UNC5C: variants seen among roughly 807,000 people sequenced by gnomAD.
The protein encoded by UNC5C is unc-5 netrin receptor C.
Under a neutral mutation model 99.8 loss-of-function variants are expected in UNC5C, and 47 were observed. That is an observed-to-expected ratio of 0.47 (90% confidence interval 0.37 to 0.60). The LOEUF (loss-of-function observed/expected upper bound fraction) is 0.60. Among genes scored for constraint, UNC5C ranks in the 20% least tolerant of loss-of-function variants. UNC5C has a pLI of 0.00. For synonymous variants in UNC5C, 487 were observed against 452.2 expected, an observed-to-expected ratio of 1.08 and a Z score of -0.98; for missense variants, 1,062 against 1,165.9, an observed-to-expected ratio of 0.91 and a Z score of 1.30.
chr4:95,273,505 T>C (rs1223851030), intron 4 of UNC5C, among the ~76,000 whole-genome samples: 1 of 152,222 alleles, frequency 6.6e-6, no homozygotes, highest in Admixed American at 6.5e-5. Context: ...GCTGCTATTA[T>C]GCTAGTGGAA....
At chr4:95,210,136 C>T (rs942293454) in intron 10 of UNC5C, among the ~76,000 whole-genome samples, 101 of 151,954 alleles carry the variant, frequency 6.6e-4, no homozygotes, top group African/African-American at 2.4e-3. Flanking sequence ...CCAAGTACAC[C>T]CCTGGCATGC....
In UNC5C at chr4:95,219,655, T is replaced by TA. The variant is rs563608874; in HGVS notation, c.1300+329dup. ...TCTATACTGGATTTGGGTTCATTGG[T>TA]AAATCATTCTATTCATAGCAATACA... On this transcript the variant is annotated intron_variant, in intron 8 of 15. Coordinates refer to ENST00000453304, the MANE Select transcript of UNC5C (RefSeq NM_003728.4). Among the ~76,000 whole-genome samples the TA allele has an allele frequency of 1.1e-4, 17 of 152,260 alleles. No individual in the cohort carries two copies. The East Asian group carries it at 2.5e-3, about 23-fold the overall frequency.
At chr4:95,212,117 C>A (rs934090710) in intron 10 of UNC5C, among the ~76,000 whole-genome samples, 1 of 152,068 alleles carries the variant, frequency 6.6e-6, no homozygotes, top group Non-Finnish European at 1.5e-5. Flanking sequence ...GAATTTTGGA[C>A]CTTTATCCTC....
At chr4:95,391,482 TG>T (rs1385548023) in intron 1 of UNC5C, among the ~76,000 whole-genome samples, 1 of 152,164 alleles carries the variant, frequency 6.6e-6, no homozygotes, top group Admixed American at 6.5e-5. Flanking sequence ...GAAATTATGC[TG>T]AATAATTTTC....
chr4:95,320,220 G>A (rs1215345387), intron 2 of UNC5C, among the ~76,000 whole-genome samples: 3 of 152,066 alleles, frequency 2.0e-5, no homozygotes, highest in East Asian at 1.9e-4. Flanking sequence ...TCAGGAGTTC[G>A]AGACCAGCCT....
intron 2 of UNC5C, among the ~76,000 whole-genome samples, chr4:95,311,007 C>T (rs914818268): frequency 3.9e-5 from 6 of 152,096 alleles, no homozygotes; most frequent in Admixed American, 6.6e-5. Flanking sequence ...AGAACTAGGC[C>T]TTCTATTTTT....
At chr4:95,321,995 T>C (rs1184660171) in intron 2 of UNC5C, among the ~76,000 whole-genome samples, 1 of 152,220 alleles carries the variant, frequency 6.6e-6, no homozygotes, top group East Asian at 1.9e-4. Flanking sequence ...AAATAATTGA[T>C]TTAAATTCCA....
At chr4:95,267,227 T>G (rs1740481799) in intron 4 of UNC5C, among the ~76,000 whole-genome samples, 2 of 152,308 alleles carry the variant, frequency 1.3e-5, no homozygotes, top group South Asian at 4.1e-4. Context: ...GCTGCATTCT[T>G]CACAATGCCC....
rs572671221 is a variant in UNC5C at position 95,425,252 on chromosome 4, G to A, written c.125-89621C>T. On this transcript the variant is annotated intron_variant, in intron 1 of 15. Coordinates refer to ENST00000453304, the MANE Select transcript of UNC5C (RefSeq NM_003728.4). ...TTCTACACAAATTCTTCTAATGAAG[G>A]AGACAGCCCATAGGCCATAAGACAT... is the stretch of plus-strand genomic sequence containing the variant. 7.9e-5 allele frequency among the ~76,000 whole-genome samples: 12 copies of A among 152,296 alleles called. No individual in the cohort carries two copies. The South Asian group carries it at 2.3e-3, about 29-fold the overall frequency.
At chr4:95,320,674 A>T (rs891976876) in intron 2 of UNC5C, among the ~76,000 whole-genome samples, 2 of 152,178 alleles carry the variant, frequency 1.3e-5, no homozygotes, top group African/African-American at 4.8e-5. Context: ...GTAGCATGTT[A>T]TCTGGATGAA....
At chr4:95,339,394 C>T (rs1341532732) in intron 1 of UNC5C, among the ~76,000 whole-genome samples, 1 of 151,900 alleles carries the variant, frequency 6.6e-6, no homozygotes, top group Non-Finnish European at 1.5e-5. Flanking sequence ...TGTGATTCCA[C>T]CCTGAAGTGG....
chr4:95,546,537 G>A (rs1723073642), intron 1 of UNC5C, among the ~76,000 whole-genome samples: 1 of 152,148 alleles, frequency 6.6e-6, no homozygotes, highest in African/African-American at 2.4e-5. Flanking sequence ...CAGACCATGA[G>A]ATTCAAACAA....
At chr4:95,280,008 C>T (rs1209033936) in intron 3 of UNC5C, among the ~76,000 whole-genome samples, 4 of 152,090 alleles carry the variant, frequency 2.6e-5, no homozygotes, top group African/African-American at 4.8e-5. Context: ...AATCTAATGC[C>T]ACCACTGATC....
rs193212431 is a variant in UNC5C at position 95,466,723 on chromosome 4, T to C, written c.124+82011A>G. On this transcript the variant is annotated intron_variant, in intron 1 of 15. Transcript: ENST00000453304. Reference sequence around the variant, plus strand: ...GCCTCAAAGGAGATACTCATTGTTTTACTTTTAAAAGCCATTCATAAATCA... The same window carrying C: ...GCCTCAAAGGAGATACTCATTGTTTCACTTTTAAAAGCCATTCATAAATCA... 4.6e-3 allele frequency among the ~76,000 whole-genome samples: 707 copies of C among 152,310 alleles called. 7 individuals carry two copies. Among genetic ancestry groups the C allele is most frequent in the Middle Eastern group, 6.8e-3 (2 of 294 alleles).
At chr4:95,384,147 A>T (rs1745146419) in intron 1 of UNC5C, among the ~76,000 whole-genome samples, 1 of 152,200 alleles carries the variant, frequency 6.6e-6, no homozygotes, top group Non-Finnish European at 1.5e-5. Flanking sequence ...CATTATGTAC[A>T]GATATAAGGG....
Position 95,435,865 on chromosome 4 carries a change from T to C in UNC5C, c.125-100234A>G, listed in dbSNP as rs577867417. Among the ~76,000 whole-genome samples the C allele has an allele frequency of 4.2e-4, 64 of 152,228 alleles. No individual in the cohort carries two copies. In the South Asian group the frequency reaches 8.9e-3, roughly 21 times the overall value. ...TTCCATCAGTTTTATTAGGCTTCTATATTTGTGTGTATTTAATTCAAATTT... is the reference window on the plus strand; with the variant it reads ...TTCCATCAGTTTTATTAGGCTTCTACATTTGTGTGTATTTAATTCAAATTT... On this transcript the variant is annotated intron_variant, in intron 1 of 15. Transcript: ENST00000453304.
intron 1 of UNC5C, among the ~76,000 whole-genome samples, chr4:95,528,326 C>A (rs193133429): frequency 6.6e-6 from 1 of 152,188 alleles, no homozygotes; most frequent in Non-Finnish European, 1.5e-5. Flanking sequence ...GTGCTTAACT[C>A]TATCAATTTT....
chr4:95,349,386 C>CCA (rs150864607), intron 1 of UNC5C, among the ~76,000 whole-genome samples: 5,196 of 124,302 alleles, frequency 0.042, 348 homozygotes, highest in African/African-American at 0.14. Flanking sequence ...ACACACACAC[C>CCA]CACACACACA....
At chr4:95,442,419 G>A (rs919211352) in intron 1 of UNC5C, among the ~76,000 whole-genome samples, 1 of 148,034 alleles carries the variant, frequency 6.8e-6, no homozygotes, top group Non-Finnish European at 1.5e-5. Context: ...TGTTGCCCAG[G>A]CTGGTCTTAA....
Sources: gnomAD v4.1 joint callset for allele counts (sites outside exome capture counted in the v4.1 genomes callset) on GRCh38, gnomAD v4.1.1 for gene constraint, MANE v1.5 for transcripts, NCBI Gene and HGNC (gene_info 2026-07-23, HGNC 2026-07-21) for gene names.